The following MALRD1 variants were observed in gnomAD, a reference collection of about 807,000 sequenced individuals.
The protein encoded by MALRD1 is MAM and LDL-receptor class A domain-containing protein 1.
A neutral mutation model predicts 242.1 loss-of-function variants in MALRD1; 247 were observed. The observed-to-expected ratio is 1.02, with a 90% CI of 0.92 to 1.13. MALRD1 has a LOEUF of 1.13. Ranked by LOEUF, MALRD1 falls within the 50% of genes most tolerant of loss-of-function variation. The probability of loss-of-function intolerance (pLI) is 0.00; values close to 1 mark genes in which losing one functional copy is unlikely to be tolerated. For missense variants in MALRD1, 2,989 were observed against 2,533.1 expected (o/e 1.18, Z -3.86); for synonymous variants, 995 against 866.6 (o/e 1.15, Z -2.60).
chr10:19,306,492 T>C (rs1423909506), intron 21 of MALRD1, among the ~76,000 whole-genome samples: 2 of 142,688 alleles, frequency 1.4e-5, no homozygotes, highest in East Asian at 2.1e-4. Flanking sequence ...ATATATAGTG[T>C]CGTATATGTA....
chr10:19,203,722 C>T lies in MALRD1; in HGVS notation c.1952-6C>T, dbSNP rs560850202. 179 of 1,520,352 alleles carry T rather than the reference C, an allele frequency of 1.2e-4. No individual in the cohort carries two copies. In the African/African-American group the frequency reaches 2.2e-3, roughly 19 times the overall value. The allele number at this position is 1,520,352 out of a possible 1,614,324, so 94.2% of individuals were successfully genotyped here. A position where few individuals can be genotyped will look rare whatever the true frequency, so the allele number is the denominator to read the frequency against. ...CCAACATAAGAGCCACATTTTTGTT[C>T]TTCAGTTTCCAAGTGTGACTTTGAA... On this transcript the variant is annotated splice_region_variant and splice_polypyrimidine_tract_variant and intron_variant, in intron 14 of 39. Transcript: ENST00000454679.
At chr10:19,552,443 T>A (rs1835522022) in intron 32 of MALRD1, among the ~76,000 whole-genome samples, 1 of 152,062 alleles carries the variant, frequency 6.6e-6, no homozygotes, top group Non-Finnish European at 1.5e-5. Flanking sequence ...CAGGTTGTGT[T>A]TATTTGAATC....
chr10:19,504,749 C>T (rs1239720714), intron 31 of MALRD1, among the ~76,000 whole-genome samples: 1 of 134,034 alleles, frequency 7.5e-6, no homozygotes, highest in African/African-American at 2.8e-5. Context: ...GTGGCGCAAT[C>T]TCGGCTCACT....
chr10:19,573,153 A>G (rs1836645503), intron 33 of MALRD1, among the ~76,000 whole-genome samples: 1 of 152,146 alleles, frequency 6.6e-6, no homozygotes, highest in African/African-American at 2.4e-5. Flanking sequence ...TGAGCTCTGG[A>G]TTCTGTACAG....
At chr10:19,372,485 T>G (rs73593890) in intron 26 of MALRD1, among the ~76,000 whole-genome samples, 6,161 of 152,056 alleles carry the variant, frequency 0.041, 201 homozygotes, top group African/African-American at 0.092. Context: ...TTTTTTTTTT[T>G]GCAAATGGAG....
chr10:19,623,373 C>T (rs1047839572), intron 36 of MALRD1, among the ~76,000 whole-genome samples: 6 of 152,020 alleles, frequency 3.9e-5, no homozygotes, highest in African/African-American at 1.4e-4. Context: ...GAGAATGATG[C>T]TGCTATTTAT....
chr10:19,235,828 G>A (rs904541013), intron 18 of MALRD1, among the ~76,000 whole-genome samples: 2 of 152,060 alleles, frequency 1.3e-5, no homozygotes, highest in Non-Finnish European at 2.9e-5. Flanking sequence ...GAAGGAGAGG[G>A]AGTTTTAGGG....
chr10:19,138,565 C>T (rs879305892), intron 10 of MALRD1, among the ~76,000 whole-genome samples: 1 of 151,802 alleles, frequency 6.6e-6, no homozygotes, highest in Non-Finnish European at 1.5e-5. Context: ...GGATTACAAG[C>T]ATGTGCCACC....
intron 19 of MALRD1, among the ~76,000 whole-genome samples, chr10:19,259,958 G>A (rs144176860): frequency 2.6e-5 from 4 of 152,194 alleles, no homozygotes; most frequent in Admixed American, 2.6e-4. Flanking sequence ...ATGAGAGCAG[G>A]TATATCACCT....
Position 19,530,418 on chromosome 10 carries a change from A to ATATAATATTTATATAAATATTTAT in MALRD1, c.5321-776_5321-775insTATAATATTTATATAAATATTTAT, listed in dbSNP as rs1200557957. Among the ~76,000 whole-genome samples, 30 of 83,726 alleles carry ATATAATATTTATATAAATATTTAT rather than the reference A, an allele frequency of 3.6e-4. 3 individuals carry two copies. Among genetic ancestry groups the ATATAATATTTATATAAATATTTAT allele is most frequent in the Admixed American group, 6.3e-4 (4 of 6,350 alleles). The allele number at this position is 83,726 out of a possible 152,430, so 54.9% of individuals were successfully genotyped here. A position where few individuals can be genotyped will look rare whatever the true frequency, so the allele number is the denominator to read the frequency against. On this transcript the variant is annotated intron_variant, in intron 31 of 39. Transcript: ENST00000454679. ...TATAAATATTATATATTTATATAATAATAAATATATAATATATATAATATA... is the reference window on the plus strand; with the variant it reads ...TATAAATATTATATATTTATATAATATATAATATTTATATAAATATTTATATAAATATATAATATATATAATATA...
At chr10:19,733,160 A>G (rs1835362808) in intron 39 of MALRD1, among the ~76,000 whole-genome samples, 1 of 152,172 alleles carries the variant, frequency 6.6e-6, no homozygotes, top group Admixed American at 6.5e-5. Flanking sequence ...CTGATACAGA[A>G]ATGGAGAGAA....
At chr10:19,338,060 C>CA (rs34978144) in intron 24 of MALRD1, among the ~76,000 whole-genome samples, 5,906 of 137,980 alleles carry the variant, frequency 0.043, 179 homozygotes, top group African/African-American at 0.093. Flanking sequence ...GATTCTGTCT[C>CA]AAAAAAAAAA....
chr10:19,387,528 G>A lies in MALRD1; in HGVS notation c.4442G>A (p.Gly1481Asp). ...CTTGTTTTCTTTTGTTTTGTTTTAG[G>A]TTTCTGCCCACTTGGCTATAGGGAA... ...QEELAVPLPTGFCPLGYRECH... is the reference protein window; with the variant it reads ...QEELAVPLPTDFCPLGYRECH... Residue 1481 changes from glycine (G) to aspartate (D), a missense_variant and splice_region_variant, in exon 27 of 40, where the codon GGT becomes GAT. Transcript: ENST00000454679. 5 of 1,549,294 alleles carry A rather than the reference G, an allele frequency of 3.2e-6. No individual in the cohort carries two copies. Among genetic ancestry groups the A allele is most frequent in the Non-Finnish European group, 4.4e-6 (5 of 1,146,462 alleles).
chr10:19,619,802 A>G lies in MALRD1; in HGVS notation c.6137+3879A>G, dbSNP rs540028284. Among the ~76,000 whole-genome samples, 361 of 152,176 alleles carry G rather than the reference A, an allele frequency of 2.4e-3. 4 individuals are homozygous for G. Among genetic ancestry groups the G allele is most frequent in the African/African-American group, 8.0e-3 (331 of 41,534 alleles). On this transcript the variant is annotated intron_variant, in intron 36 of 39. Coordinates refer to ENST00000454679, the MANE Select transcript of MALRD1 (RefSeq NM_001142308.3). ...TTCAAGATATCAAAACTAAATTACT[A>G]TCTGACAAATGTGACAACTTAAAAA...
Position 19,664,043 on chromosome 10 carries a change from T to C in MALRD1, c.6138-28239T>C, listed in dbSNP as rs909226720. Among the ~76,000 whole-genome samples the C allele has an allele frequency of 2.0e-5, 3 of 151,954 alleles. No individual in the cohort carries two copies. The South Asian group carries it at 6.2e-4, about 32-fold the overall frequency. On this transcript the variant is annotated intron_variant, in intron 36 of 39. Transcript: ENST00000454679. ...CAAGAGGGAATTCATCCCTAAGTGG[T>C]TCATTGATTCCTGAAGTCCCTGAAC...
intron 18 of MALRD1, among the ~76,000 whole-genome samples, chr10:19,249,412 GT>G (rs935535334): frequency 1.3e-4 from 20 of 148,620 alleles, no homozygotes; most frequent in African/African-American, 4.7e-4. Flanking sequence ...TTTGGCACAT[GT>G]TTTTTTTTTG....
chr10:19,405,823 A>T (rs1266353217), intron 28 of MALRD1, among the ~76,000 whole-genome samples: 1 of 151,358 alleles, frequency 6.6e-6, no homozygotes, highest in Non-Finnish European at 1.5e-5. Context: ...AACACCACTC[A>T]CTAAACATAG....
At chr10:19,150,403 G>A (rs966304862) in intron 11 of MALRD1, among the ~76,000 whole-genome samples, 11 of 140,744 alleles carry the variant, frequency 7.8e-5, no homozygotes, top group African/African-American at 3.3e-4. Flanking sequence ...AGGGGGGACT[G>A]TCTGCAGATT....
intron 2 of MALRD1, among the ~76,000 whole-genome samples, chr10:19,076,245 A>G (rs1196680217): frequency 6.6e-6 from 1 of 151,266 alleles, no homozygotes; most frequent in African/African-American, 2.4e-5. Flanking sequence ...GTCAAATTTA[A>G]TTATCTATAT....
Sources: allele counts gnomAD v4.1 joint callset (sites outside exome capture counted in the v4.1 genomes callset), GRCh38; gene constraint gnomAD v4.1.1; transcripts MANE v1.5; gene names NCBI Gene and HGNC (gene_info 2026-07-23, HGNC 2026-07-21).